Variants in FRMD4A observed in about 807,000 individuals in gnomAD.
FRMD4A encodes the protein FERM domain-containing protein 4A.
A neutral mutation model predicts 129.1 loss-of-function variants in FRMD4A; 29 were observed. The ratio of observed to expected loss-of-function variants is 0.22; its 90% confidence interval spans 0.17 to 0.31. The LOEUF (loss-of-function observed/expected upper bound fraction) is 0.31, where lower values mean the gene tolerates loss of function less well. Among genes scored for constraint, FRMD4A ranks in the 10% least tolerant of loss-of-function variants. The pLI is 1.00. For synonymous variants in FRMD4A, 634 were observed against 571.6 expected, an observed-to-expected ratio of 1.11 and a Z score of -1.56; for missense variants, 1,272 against 1,375.8, an observed-to-expected ratio of 0.92 and a Z score of 1.19.
At chr10:13,826,497 C>T (rs559060421) in intron 3 of FRMD4A, among the ~76,000 whole-genome samples, 4 of 152,106 alleles carry the variant, frequency 2.6e-5, no homozygotes, top group Non-Finnish European at 5.9e-5. Flanking sequence ...GTTAAAATTC[C>T]ATTTATTGGC....
chr10:14,298,974 TGG>T (rs1846097945), intron 2 of FRMD4A, among the ~76,000 whole-genome samples: 1 of 152,190 alleles, frequency 6.6e-6, no homozygotes, highest in African/African-American at 2.4e-5. Flanking sequence ...CCTAAAGTGT[TGG>T]GGAAAAAGAG....
intron 12 of FRMD4A, among the ~76,000 whole-genome samples, chr10:13,725,396 C>T (rs2089815660): frequency 6.6e-6 from 1 of 152,198 alleles, no homozygotes; most frequent in Non-Finnish European, 1.5e-5. Context: ...GGAGGTGCCT[C>T]CAAGCTTGTC....
chr10:14,150,464 T>C (rs1338367781), intron 2 of FRMD4A, among the ~76,000 whole-genome samples: 1 of 152,206 alleles, frequency 6.6e-6, no homozygotes, highest in Non-Finnish European at 1.5e-5. Context: ...ATTTTTTGCA[T>C]ATTAATTGGG....
intron 2 of FRMD4A, among the ~76,000 whole-genome samples, chr10:14,023,455 C>CTA: frequency 6.6e-6 from 1 of 152,390 alleles, no homozygotes; most frequent in East Asian, 1.9e-4. Flanking sequence ...CCTTCTCCAG[C>CTA]TGCGAGACGC....
chr10:14,123,350 T>G (rs1302463637), intron 2 of FRMD4A, among the ~76,000 whole-genome samples: 1 of 152,222 alleles, frequency 6.6e-6, no homozygotes, highest in African/African-American at 2.4e-5. Flanking sequence ...TATTCCTTCA[T>G]GCCAGCATCT....
chr10:13,852,295 G>A (rs2131014429), intron 3 of FRMD4A, among the ~76,000 whole-genome samples: 1 of 151,788 alleles, frequency 6.6e-6, no homozygotes, highest in East Asian at 1.9e-4. Flanking sequence ...CTGGGCTGGA[G>A]TGCAGTGGCG....
At chr10:13,703,866 G>T (rs1158969202) in intron 13 of FRMD4A, among the ~76,000 whole-genome samples, 2 of 152,202 alleles carry the variant, frequency 1.3e-5, no homozygotes, top group African/African-American at 4.8e-5. Flanking sequence ...TTAGCTGGGT[G>T]TAGTGGCGCA....
At chr10:13,673,176 A>G (rs1346744484) in intron 16 of FRMD4A, among the ~76,000 whole-genome samples, 1 of 152,182 alleles carries the variant, frequency 6.6e-6, no homozygotes, top group Non-Finnish European at 1.5e-5. Flanking sequence ...CCAATCCTTC[A>G]AGCGTATTCT....
intron 2 of FRMD4A, among the ~76,000 whole-genome samples, chr10:13,871,404 G>T (rs1441513835): frequency 6.6e-6 from 1 of 152,186 alleles, no homozygotes; most frequent in African/African-American, 2.4e-5. Context: ...CCTTGGAATG[G>T]TTGTTCCTTT....
intron 2 of FRMD4A, among the ~76,000 whole-genome samples, chr10:13,925,051 G>A (rs2095114939): frequency 8.3e-6 from 1 of 120,382 alleles, no homozygotes; most frequent in Non-Finnish European, 1.6e-5. Context: ...GTGACAGTGC[G>A]AGACTCCGTG....
intron 2 of FRMD4A, among the ~76,000 whole-genome samples, chr10:14,143,767 A>G (rs1446477456): frequency 6.6e-6 from 1 of 152,062 alleles, no homozygotes; most frequent in East Asian, 1.9e-4. Flanking sequence ...GGTACCCACC[A>G]TCATGCCTGG....
chr10:14,099,342 A>G (rs565917225), intron 2 of FRMD4A, among the ~76,000 whole-genome samples: 1 of 146,930 alleles, frequency 6.8e-6, no homozygotes, highest in African/African-American at 2.7e-5. Context: ...GAGACAGAAG[A>G]GAAAAAAAAA....
At chr10:13,668,760 G>T (rs145925253) in intron 17 of FRMD4A, among the ~76,000 whole-genome samples, 207 of 152,278 alleles carry the variant, frequency 1.4e-3, no homozygotes, top group East Asian at 7.7e-4. Flanking sequence ...TAAGGGCCAG[G>T]TATCTGCCCA....
chr10:13,885,863 C>T (rs563334851), intron 2 of FRMD4A, among the ~76,000 whole-genome samples: 1 of 152,328 alleles, frequency 6.6e-6, no homozygotes, highest in African/African-American at 2.4e-5. Flanking sequence ...CCCCATTGTG[C>T]TCCATCAGTG....
intron 15 of FRMD4A, among the ~76,000 whole-genome samples, chr10:13,681,821 A>G (rs1024261428): frequency 1.3e-5 from 2 of 152,200 alleles, no homozygotes; most frequent in African/African-American, 4.8e-5. Flanking sequence ...GAATGAAAAC[A>G]GGACTTCTTC....
intron 12 of FRMD4A, among the ~76,000 whole-genome samples, chr10:13,716,681 A>G (rs1271465892): frequency 6.6e-6 from 1 of 152,164 alleles, no homozygotes; most frequent in Non-Finnish European, 1.5e-5. Flanking sequence ...TTTTTAACCC[A>G]TCAAAAACCT....
intron 2 of FRMD4A, among the ~76,000 whole-genome samples, chr10:14,259,080 G>T (rs951812431): frequency 1.3e-5 from 2 of 152,164 alleles, no homozygotes; most frequent in Non-Finnish European, 2.9e-5. Context: ...TATTATTATA[G>T]TGATGGTCTA....
chr10:13,820,428 T>C (rs2093612383), intron 3 of FRMD4A, among the ~76,000 whole-genome samples: 1 of 152,140 alleles, frequency 6.6e-6, no homozygotes, highest in Admixed American at 6.5e-5. Context: ...CAGCCGACCT[T>C]GGGTCACTCC....
intron 2 of FRMD4A, among the ~76,000 whole-genome samples, chr10:14,104,581 G>T (rs1837486302): frequency 1.3e-5 from 2 of 152,296 alleles, no homozygotes; most frequent in Admixed American, 1.3e-4. Flanking sequence ...AGTGGCCCTG[G>T]CCCCATCTGT....
Sources: gnomAD v4.1 joint callset for allele counts (sites outside exome capture counted in the v4.1 genomes callset) on GRCh38, gnomAD v4.1.1 for gene constraint, MANE v1.5 for transcripts, NCBI Gene and HGNC (gene_info 2026-07-23, HGNC 2026-07-21) for gene names.